The following HS6ST3 variants were observed in gnomAD, a reference collection of about 807,000 sequenced individuals.
The protein encoded by HS6ST3 is heparan-sulfate 6-O-sulfotransferase 3.
Under a neutral mutation model 36.7 loss-of-function variants are expected in HS6ST3, and 12 were observed. The ratio of observed to expected loss-of-function variants is 0.33; its 90% CI spans 0.21 to 0.53. The LOEUF is 0.53. Among genes scored for constraint, HS6ST3 ranks in the 20% least tolerant of loss-of-function variants. HS6ST3 has a pLI of 0.95. For synonymous variants in HS6ST3, 240 were observed against 257.5 expected (o/e 0.93, Z 0.65); for missense variants, 584 against 640.9 (o/e 0.91, Z 0.96).
At chr13:96,120,559 T>A (rs189136229) in intron 1 of HS6ST3, among the ~76,000 whole-genome samples, 44 of 152,360 alleles carry the variant, frequency 2.9e-4, no homozygotes, top group Non-Finnish European at 1.8e-4. Flanking sequence ...CAAGTTTTTT[T>A]TCTAATTAGT....
intron 1 of HS6ST3, among the ~76,000 whole-genome samples, chr13:96,166,243 G>A (rs1172367036): frequency 6.6e-6 from 1 of 152,002 alleles, no homozygotes; most frequent in African/African-American, 2.4e-5. Context: ...ATGGGGTTGG[G>A]ATGGAGGTTG....
chr13:96,262,527 T>C (rs2054671399), intron 1 of HS6ST3, among the ~76,000 whole-genome samples: 1 of 136,434 alleles, frequency 7.3e-6, no homozygotes, highest in African/African-American at 2.6e-5. Flanking sequence ...TTTGACTTGA[T>C]GAAATGAAAA....
chr13:96,309,228 A>G (rs9556555), intron 1 of HS6ST3, among the ~76,000 whole-genome samples: 54,886 of 151,822 alleles, frequency 0.36, 10,235 homozygotes, highest in African/African-American at 0.43. Context: ...ATTTTTGAAG[A>G]AGGAGGGGGT....
intron 1 of HS6ST3, among the ~76,000 whole-genome samples, chr13:96,287,913 G>A (rs2054811333): frequency 1.3e-5 from 2 of 152,176 alleles, no homozygotes; most frequent in Non-Finnish European, 2.9e-5. Flanking sequence ...TGTGGGGATT[G>A]ATGGTTATCT....
chr13:96,684,433 A>G (rs1874707883), intron 1 of HS6ST3, among the ~76,000 whole-genome samples: 2 of 152,084 alleles, frequency 1.3e-5, no homozygotes, highest in South Asian at 4.1e-4. Flanking sequence ...TGAAGTCTTC[A>G]CTTGTAGTCA....
Position 96,603,412 on chromosome 13 carries a change from T to A in HS6ST3, c.708-229078T>A, listed in dbSNP as rs140909158. Among the ~76,000 whole-genome samples, 3 of 152,352 alleles carry A rather than the reference T, an allele frequency of 2.0e-5. No individual in the cohort carries two copies. In the East Asian group the frequency reaches 5.8e-4, roughly 29 times the overall value. On this transcript the variant is annotated intron_variant, in intron 1 of 1. Coordinates refer to ENST00000376705, the MANE Select transcript of HS6ST3 (RefSeq NM_153456.4). ...TGTTGTTTTTCTTGTGGTAGTTCAT[T>A]CATTTTCATTGCCTATATTATACCA... is the stretch of plus-strand genomic sequence containing the variant.
chr13:96,814,674 C>G (rs1020918051), intron 1 of HS6ST3, among the ~76,000 whole-genome samples: 1 of 151,956 alleles, frequency 6.6e-6, no homozygotes, highest in Non-Finnish European at 1.5e-5. Flanking sequence ...ATCTCCTTGT[C>G]TCTTACATTA....
In HS6ST3 at chr13:96,468,485, C is replaced by T. The variant is rs201336167; in HGVS notation, c.708-364005C>T. Among the ~76,000 whole-genome samples, 9 of 43,902 alleles carry T rather than the reference C, an allele frequency of 2.1e-4. No individual in the cohort carries two copies. The South Asian group carries it at 5.5e-3, about 27-fold the overall frequency. The allele number at this position is 43,902 out of a possible 152,430, so 28.8% of individuals were successfully genotyped here. On this transcript the variant is annotated intron_variant, in intron 1 of 1. Transcript: ENST00000376705. ...AACAGGACATACACACATACACACA[C>T]ACACACACACACACACACACACACA...
intron 1 of HS6ST3, among the ~76,000 whole-genome samples, chr13:96,272,783 C>G (rs1023662225): frequency 2.6e-5 from 4 of 151,832 alleles, no homozygotes; most frequent in Admixed American, 2.0e-4. Context: ...TAGGTCTTAC[C>G]AGGTGAGTGA....
chr13:96,761,159 G>C lies in HS6ST3; in HGVS notation c.708-71331G>C, dbSNP rs551986512. On this transcript the variant is annotated intron_variant, in intron 1 of 1. Transcript: ENST00000376705. Reference sequence around the variant, plus strand: ...AGACAGGTCCTCACTGTGTTGCCCAGGCTGGAGTGTACTGACACAATCTCG... The same window carrying C: ...AGACAGGTCCTCACTGTGTTGCCCACGCTGGAGTGTACTGACACAATCTCG... Among the ~76,000 whole-genome samples the C allele has an allele frequency of 2.4e-4, 36 of 151,116 alleles. 1 individual carries two copies. In the South Asian group the frequency reaches 6.3e-3, roughly 26 times the overall value.
rs914514190 is a variant in HS6ST3, at chr13:96,680,716, G to A, written c.708-151774G>A. ...GCGTGAGGGGCTGACCCGCCATCTTGACATAAGCATCTTCCCTTCTAGCCA... is the reference window on the plus strand; with the variant it reads ...GCGTGAGGGGCTGACCCGCCATCTTAACATAAGCATCTTCCCTTCTAGCCA... On this transcript the variant is annotated intron_variant, in intron 1 of 1. Transcript: ENST00000376705. Among the ~76,000 whole-genome samples, 6 of 152,306 alleles carry A rather than the reference G, an allele frequency of 3.9e-5. No individual in the cohort carries two copies. In the East Asian group the frequency reaches 7.7e-4, roughly 20 times the overall value.
chr13:96,818,090 C>T (rs946583024), intron 1 of HS6ST3, among the ~76,000 whole-genome samples: 1 of 150,264 alleles, frequency 6.7e-6, no homozygotes, highest in African/African-American at 2.5e-5. Flanking sequence ...CCTCTGGAAG[C>T]TTCAATCATG....
At chr13:96,422,085 C>A (rs1204818806) in intron 1 of HS6ST3, among the ~76,000 whole-genome samples, 5 of 152,176 alleles carry the variant, frequency 3.3e-5, no homozygotes, top group African/African-American at 2.4e-5. Context: ...TCTTAGAAGT[C>A]TTTTTGTAAT....
At chr13:96,540,374 T>C (rs1037830044) in intron 1 of HS6ST3, among the ~76,000 whole-genome samples, 5 of 152,226 alleles carry the variant, frequency 3.3e-5, no homozygotes, top group Admixed American at 2.0e-4. Flanking sequence ...TGCCCAAATA[T>C]TTATCATAAG....
chr13:96,802,039 C>A (rs1173849032), intron 1 of HS6ST3, among the ~76,000 whole-genome samples: 1 of 152,016 alleles, frequency 6.6e-6, no homozygotes, highest in Non-Finnish European at 1.5e-5. Flanking sequence ...CAGAAGCACT[C>A]CAAAATACAT....
intron 1 of HS6ST3, among the ~76,000 whole-genome samples, chr13:96,269,484 A>G (rs1030961906): frequency 5.9e-5 from 9 of 151,968 alleles, no homozygotes; most frequent in East Asian, 1.9e-4. Context: ...ACCTAGAGAC[A>G]AGGTGGGGGG....
intron 1 of HS6ST3, among the ~76,000 whole-genome samples, chr13:96,276,529 A>G (rs1021021221): frequency 5.3e-5 from 8 of 152,234 alleles, no homozygotes; most frequent in Non-Finnish European, 1.0e-4. Flanking sequence ...GAGGACCAGT[A>G]TAAATAGTCA....
chr13:96,758,084 T>G (rs1166410558), intron 1 of HS6ST3, among the ~76,000 whole-genome samples: 1 of 152,022 alleles, frequency 6.6e-6, no homozygotes, highest in African/African-American at 2.4e-5. Flanking sequence ...TTTATGGAGA[T>G]GTTTTTTATT....
intron 1 of HS6ST3, among the ~76,000 whole-genome samples, chr13:96,610,127 G>C (rs1383425139): frequency 6.6e-6 from 1 of 152,170 alleles, no homozygotes; most frequent in Non-Finnish European, 1.5e-5. Context: ...TCAAATCCCA[G>C]CTCTTAAAGT....
Sources: allele counts gnomAD v4.1 joint callset (sites outside exome capture counted in the v4.1 genomes callset), GRCh38; gene constraint gnomAD v4.1.1; transcripts MANE v1.5; gene names NCBI Gene and HGNC (gene_info 2026-07-23, HGNC 2026-07-21).